The following HDAC9 variants were observed in gnomAD, a reference collection of about 807,000 sequenced individuals.
The protein encoded by HDAC9 is MEF-2 interacting transcription repressor (MITR) protein.
HDAC9 carries 41 observed loss-of-function variants against 139.4 expected under a neutral mutation model. That is an observed-to-expected ratio of 0.29 (90% CI 0.23 to 0.38). The LOEUF is 0.38. Ranked by LOEUF, HDAC9 falls within the 10% of genes least tolerant of loss-of-function variation. The probability of loss-of-function intolerance (pLI) is 1.00; values close to 1 mark genes in which losing one functional copy is unlikely to be tolerated. For synonymous variants in HDAC9, 517 were observed against 476.2 expected, an observed-to-expected ratio of 1.09 and a Z score of -1.12; for missense variants, 1,147 against 1,297.0, an observed-to-expected ratio of 0.88 and a Z score of 1.78.
intron 2 of HDAC9, among the ~76,000 whole-genome samples, chr7:18,256,060 A>C (rs11761098): frequency 0.35 from 44,705 of 127,168 alleles, 7,166 homozygotes; most frequent in South Asian, 0.5. Context: ...ACATCTCAGC[A>C]TATCTAGGAC....
intron 2 of HDAC9, among the ~76,000 whole-genome samples, chr7:18,284,977 C>T (rs1026380275): frequency 3.3e-5 from 5 of 152,086 alleles, no homozygotes; most frequent in Non-Finnish European, 5.9e-5. Flanking sequence ...TGGATTTCAC[C>T]TAAAGCTTCT....
intron 1 of HDAC9, among the ~76,000 whole-genome samples, chr7:18,408,624 GC>G (rs1188051111): frequency 2.0e-5 from 3 of 152,136 alleles, no homozygotes; most frequent in African/African-American, 4.8e-5. Flanking sequence ...ACACTAATGG[GC>G]CGTTTATGAA....
intron 11 of HDAC9, among the ~76,000 whole-genome samples, chr7:18,662,885 G>A (rs2541318): frequency 0.27 from 40,545 of 151,938 alleles, 9,460 homozygotes; most frequent in African/African-American, 0.63. Flanking sequence ...TAATTTGTTT[G>A]TTTGTTTCCT....
intron 21 of HDAC9, among the ~76,000 whole-genome samples, chr7:18,859,549 TA>T (rs556494978): frequency 0.068 from 9,549 of 139,766 alleles, 542 homozygotes; most frequent in Middle Eastern, 0.17. Context: ...GCTACGCAAT[TA>T]AAAAAAAAAA....
At chr7:18,656,940 C>G (rs1333670389) in intron 11 of HDAC9, among the ~76,000 whole-genome samples, 1 of 151,234 alleles carries the variant, frequency 6.6e-6, no homozygotes, top group African/African-American at 2.5e-5. Context: ...ACGTGCTCAC[C>G]TGCATTCATT....
intron 11 of HDAC9, among the ~76,000 whole-genome samples, chr7:18,657,025 C>T (rs762724352): frequency 6.6e-6 from 1 of 151,974 alleles, no homozygotes; most frequent in Admixed American, 6.6e-5. Context: ...ATTTTCATTT[C>T]TCTGATGGTT....
At chr7:18,533,953 A>G (rs1476149520) in intron 2 of HDAC9, among the ~76,000 whole-genome samples, 1 of 152,076 alleles carries the variant, frequency 6.6e-6, no homozygotes, top group African/African-American at 2.4e-5. Context: ...TTTTTCATCA[A>G]AGTGCACCGT....
intron 8 of HDAC9, among the ~76,000 whole-genome samples, chr7:18,635,950 C>A (rs1198664088): frequency 1.3e-5 from 2 of 152,054 alleles, no homozygotes; most frequent in Non-Finnish European, 2.9e-5. Flanking sequence ...ATATTTTATA[C>A]ACACAAACAC....
At chr7:18,333,798 C>G (rs560598167) in intron 1 of HDAC9, among the ~76,000 whole-genome samples, 6 of 151,214 alleles carry the variant, frequency 4.0e-5, no homozygotes, top group South Asian at 2.1e-4. Context: ...GTTAAAGAAT[C>G]AGTAAAAAGT....
chr7:18,752,118 A>G (rs745971213), intron 14 of HDAC9, among the ~76,000 whole-genome samples: 7 of 152,174 alleles, frequency 4.6e-5, no homozygotes, highest in Non-Finnish European at 8.8e-5. Context: ...TTATTTTCGA[A>G]TGCCGTGAAA....
At chr7:18,542,053 C>T (rs989737724) in intron 2 of HDAC9, among the ~76,000 whole-genome samples, 1 of 152,066 alleles carries the variant, frequency 6.6e-6, no homozygotes, top group Admixed American at 6.6e-5. Context: ...GGCCTCTACG[C>T]CCTAGATGCC....
At chr7:18,164,607 G>T (rs1181356130) in intron 2 of HDAC9, among the ~76,000 whole-genome samples, 2 of 152,070 alleles carry the variant, frequency 1.3e-5, no homozygotes, top group Admixed American at 6.6e-5. Flanking sequence ...ATTGGTTCTG[G>T]TATAGTGTGA....
intron 1 of HDAC9, among the ~76,000 whole-genome samples, chr7:18,117,443 G>A (rs888996191): frequency 1.3e-4 from 20 of 150,894 alleles, no homozygotes; most frequent in African/African-American, 4.6e-4. Flanking sequence ...CCGAGATCGC[G>A]CCACTGCACT....
intron 1 of HDAC9, among the ~76,000 whole-genome samples, chr7:18,297,196 A>G (rs1256425097): frequency 6.6e-6 from 1 of 152,160 alleles, no homozygotes. Flanking sequence ...GGTATTTAAA[A>G]CACATTATAA....
chr7:18,646,241 T>A (rs1196623168), intron 9 of HDAC9, among the ~76,000 whole-genome samples: 1 of 152,156 alleles, frequency 6.6e-6, no homozygotes, highest in African/African-American at 2.4e-5. Flanking sequence ...CTTATTTTTG[T>A]ATGTTCTAAG....
intron 1 of HDAC9, among the ~76,000 whole-genome samples, chr7:18,482,988 G>A (rs1446351960): frequency 6.6e-6 from 1 of 152,118 alleles, no homozygotes; most frequent in Admixed American, 6.5e-5. Context: ...TTGAAGTACT[G>A]CTCTGAAGTG....
intron 6 of HDAC9, among the ~76,000 whole-genome samples, chr7:18,626,324 C>G (rs975451884): frequency 6.6e-6 from 1 of 152,132 alleles, no homozygotes; most frequent in African/African-American, 2.4e-5. Context: ...TGGCCACCAG[C>G]CTGTCCTGCC....
rs544525196 is a variant in HDAC9, at chr7:18,973,519, T to A, written c.3023-2287T>A. 2.0e-5 allele frequency among the ~76,000 whole-genome samples: 3 copies of A among 152,206 alleles called. No homozygotes were observed. In the East Asian group the frequency reaches 5.8e-4, roughly 29 times the overall value. On this transcript the variant is annotated intron_variant, in intron 24 of 25. Coordinates refer to ENST00000686413, the MANE Select transcript of HDAC9 (RefSeq NM_178425.4). ...AGTAGCGGACACCCATGTCAACAGGTCTTGTTGACATGGAAAGTGGGTGGT... is the reference window on the plus strand; with the variant it reads ...AGTAGCGGACACCCATGTCAACAGGACTTGTTGACATGGAAAGTGGGTGGT...
intron 21 of HDAC9, among the ~76,000 whole-genome samples, chr7:18,860,067 C>A (rs1346674887): frequency 3.3e-5 from 5 of 151,488 alleles, no homozygotes; most frequent in Non-Finnish European, 1.5e-5. Flanking sequence ...CTAAGCTACA[C>A]ACTGCACCCC....
Sources: gnomAD v4.1 joint callset for allele counts (sites outside exome capture counted in the v4.1 genomes callset) on GRCh38, gnomAD v4.1.1 for gene constraint, MANE v1.5 for transcripts, NCBI Gene and HGNC (gene_info 2026-07-23, HGNC 2026-07-21) for gene names.